The following MKRN2 variants were observed in gnomAD, a reference collection of about 807,000 sequenced individuals.
MKRN2 encodes E3 ubiquitin-protein ligase makorin-2.
A neutral mutation model predicts 45.4 loss-of-function variants in MKRN2; 32 were observed. The observed-to-expected ratio is 0.70, with a 90% CI of 0.53 to 0.95. MKRN2 has a LOEUF of 0.95. MKRN2 is among the 40% of genes least tolerant of loss of function. MKRN2 has a pLI of 0.00. For missense variants in MKRN2, 526 were observed against 536.7 expected (o/e 0.98, Z 0.20); for synonymous variants, 206 against 192.4 (o/e 1.07, Z -0.59).
chr3:12,571,698 T>C (rs948051999), intron 3 of MKRN2, among the ~76,000 whole-genome samples: 2 of 152,222 alleles, frequency 1.3e-5, no homozygotes, highest in Admixed American at 6.5e-5. Context: ...AAGGAAACAC[T>C]GTGTTCTAGT....
Position 12,582,106 on chromosome 3 carries a change from G to A in MKRN2, c.1114-10G>A, listed in dbSNP as rs2058184942. ...CAGTAACCAGGCATGTCCACTGGCT[G>A]TTTTTGCAGTTCTTTAATTCAGTGC... On this transcript the variant is annotated splice_polypyrimidine_tract_variant and intron_variant, in intron 7 of 7. Coordinates refer to ENST00000170447, the MANE Select transcript of MKRN2 (RefSeq NM_014160.5). The A allele has an allele frequency of 6.2e-7, 1 of 1,614,050 alleles. No homozygotes were observed. The highest frequency in any genetic ancestry group is 1.3e-5 in the African/African-American group (1 of 74,918).
chr3:12,572,706 C>T (rs2058107188), intron 4 of MKRN2, among the ~76,000 whole-genome samples: 1 of 151,886 alleles, frequency 6.6e-6, no homozygotes, highest in Non-Finnish European at 1.5e-5. Flanking sequence ...GCCTCAGCCC[C>T]ACCGAGTAGC....
chr3:12,562,391 C>T (rs537738705), intron 1 of MKRN2, among the ~76,000 whole-genome samples: 35 of 152,342 alleles, frequency 2.3e-4, no homozygotes, highest in African/African-American at 8.4e-4. Flanking sequence ...ATAGCAGTCT[C>T]ACATCTGCTG....
chr3:12,560,021 T>C (rs1487304668), intron 1 of MKRN2, among the ~76,000 whole-genome samples: 1 of 152,210 alleles, frequency 6.6e-6, no homozygotes, highest in Non-Finnish European at 1.5e-5. Flanking sequence ...GGTTGGGCAG[T>C]TCTGGATTCT....
At chr3:12,568,031 A>G (rs901442614) in intron 1 of MKRN2, among the ~76,000 whole-genome samples, 5 of 152,184 alleles carry the variant, frequency 3.3e-5, no homozygotes, top group Admixed American at 2.6e-4. Flanking sequence ...AACTACAAGT[A>G]CCCATACAAC....
chr3:12,572,593 A>T (rs565021640), intron 4 of MKRN2, among the ~76,000 whole-genome samples: 2,171 of 145,450 alleles, frequency 0.015, 30 homozygotes, highest in Admixed American at 0.044. Flanking sequence ...TCATTTTGCC[A>T]TTTTTTTTTT....
At chr3:12,569,570 C>G (rs982681125) in intron 2 of MKRN2, among the ~76,000 whole-genome samples, 11 of 152,152 alleles carry the variant, frequency 7.2e-5, no homozygotes, top group African/African-American at 2.7e-4. Context: ...AAGAGCCGAT[C>G]TTTTCTTTCT....
chr3:12,580,203 TGA>T (rs546920132), intron 6 of MKRN2, among the ~76,000 whole-genome samples: 58 of 152,332 alleles, frequency 3.8e-4, no homozygotes, highest in African/African-American at 1.3e-3. Context: ...AATATTCTTG[TGA>T]GAGTGGGGGA....
At chr3:12,569,348 G>C (rs189633387) in intron 2 of MKRN2, among the ~76,000 whole-genome samples, 2 of 149,756 alleles carry the variant, frequency 1.3e-5, no homozygotes, top group East Asian at 3.9e-4. Flanking sequence ...TTTTAGTAGA[G>C]ATGGGGTTTC....
At chr3:12,575,204 T>C (rs2058124691) in intron 5 of MKRN2, among the ~76,000 whole-genome samples, 198 bp downstream of exon 5, 1 of 152,176 alleles carries the variant, frequency 6.6e-6, no homozygotes, top group South Asian at 2.1e-4. Flanking sequence ...CAACAATTCC[T>C]ACCAAGCTTT....
Position 12,581,877 on chromosome 3 carries a change from C to T in MKRN2, c.1038C>T (p.Arg346=). The change falls in exon 7 of 8, where the codon CGC becomes CGT. Residue 346 remains arginine, a synonymous_variant. Transcript: ENST00000170447. ...TCPFGSKCLY[R]HAYPDGRLAE... ...CATTTGGAAGCAAATGTCTTTATCG[C>T]CATGCTTACCCCGATGGGCGGCTAG... 6.2e-7 allele frequency: 1 copy of T among 1,614,154 alleles called. No individual in the cohort carries two copies. Among genetic ancestry groups the T allele is most frequent in the African/African-American group, 1.3e-5 (1 of 75,030 alleles).
At chr3:12,570,740 G>C (rs372330748) in intron 3 of MKRN2, among the ~76,000 whole-genome samples, 2 of 151,800 alleles carry the variant, frequency 1.3e-5, no homozygotes, top group East Asian at 3.9e-4. Context: ...AAAATTAGCC[G>C]GGTGTAGTGG....
intron 6 of MKRN2, among the ~76,000 whole-genome samples, chr3:12,580,031 G>T (rs995736343): frequency 6.6e-6 from 1 of 152,218 alleles, no homozygotes; most frequent in African/African-American, 2.4e-5. Context: ...GGCCCCAGAG[G>T]CTTCCACAAG....
intron 4 of MKRN2, among the ~76,000 whole-genome samples, chr3:12,574,280 C>T (rs1250271668): frequency 6.6e-6 from 1 of 152,166 alleles, no homozygotes; most frequent in Non-Finnish European, 1.5e-5. Context: ...CAAATGCCAG[C>T]ACATAGAAGG....
intron 1 of MKRN2, among the ~76,000 whole-genome samples, chr3:12,558,548 A>G (rs1191088415): frequency 1.3e-5 from 2 of 152,204 alleles, no homozygotes; most frequent in Non-Finnish European, 2.9e-5. Flanking sequence ...TTTATGTAAT[A>G]ATGCTTTATA....
At chr3:12,568,818 G>T in intron 1 of MKRN2, 57 bp from the exon 2 acceptor site, 2 of 1,585,728 alleles carry the variant, frequency 1.3e-6, no homozygotes, top group South Asian at 2.3e-5. Flanking sequence ...AGAATAAGCT[G>T]ATTTTATAAA....
At position 12,574,876 on chromosome 3, in the gene MKRN2, G is replaced by A; in HGVS notation, c.727G>A (p.Glu243Lys). The A allele has an allele frequency of 6.2e-7, 1 of 1,614,214 alleles. No individual in the cohort carries two copies. Among genetic ancestry groups the A allele is most frequent in the Non-Finnish European group, 8.5e-7 (1 of 1,180,032 alleles). The change falls in exon 5 of 8, where the codon GAA becomes AAA. Residue 243 changes from glutamate to lysine, a missense_variant. Transcript: ENST00000170447. ...GGACAAAGTGTGCAGTATCTGCATGGAAGTGATCCTGGAGAAGGCCTCTGC... is the reference window on the plus strand; with the variant it reads ...GGACAAAGTGTGCAGTATCTGCATGAAAGTGATCCTGGAGAAGGCCTCTGC... ...SQDKVCSICMEVILEKASASE... is the reference protein window; with the variant it reads ...SQDKVCSICMKVILEKASASE...
chr3:12,557,161 A>G lies in MKRN2; in HGVS notation c.11A>G (p.Lys4Arg). 1 of 1,536,688 alleles carries G rather than the reference A, an allele frequency of 6.5e-7. No homozygotes were observed. The highest frequency in any genetic ancestry group is 1.7e-4 in the Middle Eastern group (1 of 5,962). Residue 4 changes from lysine to arginine, a missense_variant, in exon 1 of 8, where the codon AAG (lysine) becomes AGG (arginine). By Grantham distance (26) the Lys-to-Arg change is conservative (BLOSUM62 2). Transcript: ENST00000170447. Reference protein sequence around the residue: MSTKQITCRYFMHG... With the variant: MSTRQITCRYFMHG... ...CTCAGCCCAGCCACCATGAGCACCA[A>G]GCAGATCACTTGCAGGTCAGTGCGC...
chr3:12,581,692 A>C, intron 6 of MKRN2, 116 bp from the exon 7 acceptor site: 1 of 1,140,272 alleles, frequency 8.8e-7, no homozygotes, highest in Middle Eastern at 2.3e-4. Context: ...CCCCACCTAG[A>C]ATGTGAGGCT....
Sources: gnomAD v4.1 joint callset for allele counts (sites outside exome capture counted in the v4.1 genomes callset) on GRCh38, gnomAD v4.1.1 for gene constraint, MANE v1.5 for transcripts, NCBI Gene and HGNC (gene_info 2026-07-23, HGNC 2026-07-21) for gene names.